The following PRDM1 variants were observed in gnomAD, a reference collection of about 807,000 sequenced individuals.
PRDM1 encodes PR/SET domain 1.
A neutral mutation model predicts 62.8 loss-of-function variants in PRDM1; 13 were observed. That is an observed-to-expected ratio of 0.21 (90% CI 0.13 to 0.33). The LOEUF (loss-of-function observed/expected upper bound fraction) is 0.33, where lower values mean the gene tolerates loss of function less well. Among genes scored for constraint, PRDM1 ranks in the 10% least tolerant of loss-of-function variants. The pLI is 1.00. For missense variants in PRDM1, 895 were observed against 1,058.8 expected (o/e 0.85, Z 2.15); for synonymous variants, 396 against 417.6 (o/e 0.95, Z 0.63).
At chr6:106,028,620 C>A (rs551368308) in intron 1 of PRDM1, among the ~76,000 whole-genome samples, 2 of 152,148 alleles carry the variant, frequency 1.3e-5, no homozygotes, top group Non-Finnish European at 2.9e-5. Flanking sequence ...TATTTTTCTA[C>A]CTTATTAAGG....
rs72941632 is a variant in PRDM1, at chr6:106,025,247, C to A, written c.-67+31608C>A. 3.9e-3 allele frequency among the ~76,000 whole-genome samples: 594 copies of A among 152,248 alleles called. 4 individuals carry two copies. The highest frequency in any genetic ancestry group is 6.8e-3 in the Middle Eastern group (2 of 294). On this transcript the variant is annotated intron_variant, in intron 1 of 6. Coordinates refer to the PRDM1 transcript ENST00000652320. ...CACTAAAGGCCTACATGTTAAAATG[C>A]AAAATTGTTCTTGTGTAATTTAGGT...
chr6:106,041,912 A>G (rs1054367035), intron 1 of PRDM1, among the ~76,000 whole-genome samples: 1 of 150,628 alleles, frequency 6.6e-6, no homozygotes, highest in African/African-American at 2.4e-5. Flanking sequence ...GGCTCAAGCA[A>G]TCCTCCCACC....
upstream of PRDM1, among the ~76,000 whole-genome samples, chr6:106,085,020 A>C (rs1773765146): frequency 6.6e-6 from 1 of 152,176 alleles, no homozygotes; most frequent in Non-Finnish European, 1.5e-5. Flanking sequence ...AATTCTAGAA[A>C]AGTTTTCTAA....
intron 1 of PRDM1, among the ~76,000 whole-genome samples, chr6:106,034,477 C>G (rs1297767598): frequency 6.6e-6 from 1 of 151,718 alleles, no homozygotes; most frequent in African/African-American, 2.4e-5. Flanking sequence ...AATTATTTTT[C>G]TAATTTCCCT....
chr6:106,098,445 C>G (rs1410400550), intron 3 of PRDM1: 1 of 985,278 alleles, frequency 1.0e-6, no homozygotes, highest in African/African-American at 1.7e-5. Context: ...ATTCTTCATT[C>G]TGCGTTGCCT....
rs1246387150 is a variant in PRDM1, at chr6:106,109,736, G to C, written c.*2250G>C. On this transcript the variant is annotated 3_prime_UTR_variant, in exon 7 of 7. Coordinates refer to ENST00000369096, the MANE Select transcript of PRDM1 (RefSeq NM_001198.4). ...CTCACCATCCATCCTTCTCTTTTCT[G>C]CCTCTTACATGTGAATGTTGAGCCC... The C allele has an allele frequency of 4.3e-6, 1 of 232,756 alleles. No homozygotes were observed. The highest frequency in any genetic ancestry group is 2.2e-5 in the African/African-American group (1 of 45,186). The allele number at this position is 232,756 out of a possible 1,614,324, so 14.4% of individuals were successfully genotyped here.
intron 1 of PRDM1, 94 bp downstream of exon 1, chr6:106,086,689 G>A: frequency 8.4e-7 from 1 of 1,197,166 alleles, no homozygotes. Context: ...ATTTTTTTTG[G>A]CTAATGTCGC....
chr6:106,100,161 T>C (rs541186311), intron 4 of PRDM1: 1 of 152,448 alleles, frequency 6.6e-6, no homozygotes, highest in South Asian at 2.1e-4. Flanking sequence ...TCCTTAGGTT[T>C]ATGTGCTTTT....
At chr6:106,012,343 A>ATGAAAGTATAATGAAAATG (rs1772568248) in intron 1 of PRDM1, among the ~76,000 whole-genome samples, 1 of 150,222 alleles carries the variant, frequency 6.7e-6, no homozygotes, top group Non-Finnish European at 1.5e-5. Flanking sequence ...CACACACACA[A>ATGAAAGTATAATGAAAATG]ACATACCACA....
At chr6:105,997,406 C>T (rs919640651) in intron 1 of PRDM1, among the ~76,000 whole-genome samples, 5 of 152,118 alleles carry the variant, frequency 3.3e-5, no homozygotes, top group Admixed American at 6.5e-5. Context: ...TTTCTCAGTT[C>T]GTTCTCTCTT....
chr6:106,098,401 T>C (rs1163702552), intron 3 of PRDM1: 2 of 985,280 alleles, frequency 2.0e-6, no homozygotes, highest in East Asian at 1.1e-4. Context: ...GCATCTGTTA[T>C]CCAGAAGTAG....
intron 1 of PRDM1, among the ~76,000 whole-genome samples, chr6:105,998,944 T>TC (rs1772395057): frequency 7.6e-6 from 1 of 130,818 alleles, no homozygotes; most frequent in African/African-American, 3.0e-5. Flanking sequence ...TTTTTTTTTT[T>TC]TTTTTTCTTT....
chr6:106,047,819 A>G (rs1214973725), upstream of PRDM1, among the ~76,000 whole-genome samples: 1 of 152,164 alleles, frequency 6.6e-6, no homozygotes, highest in Middle Eastern at 3.2e-3. Flanking sequence ...CAAATCCTAT[A>G]CTCCTACCCT....
At position 106,107,599 on chromosome 6, in the gene PRDM1, A is replaced by G. The variant is rs999189599; in HGVS notation, c.*113A>G. ...CTCTGCAAAGCTCTCTCGACAGCAAATGGTTTCCCCTCACCTCTGGAATTA... is the reference window on the plus strand; with the variant it reads ...CTCTGCAAAGCTCTCTCGACAGCAAGTGGTTTCCCCTCACCTCTGGAATTA... On this transcript the variant is annotated 3_prime_UTR_variant, in exon 7 of 7. Transcript: ENST00000369096. The G allele has an allele frequency of 7.9e-5, 76 of 964,400 alleles. No individual in the cohort carries two copies. The African/African-American group carries it at 1.1e-3, about 14-fold the overall frequency. The allele number at this position is 964,400 out of a possible 1,614,324, so 59.7% of individuals were successfully genotyped here. A position where few individuals can be genotyped will look rare whatever the true frequency, so the allele number is the denominator to read the frequency against.
chr6:106,056,259 A>ATGGGAGAAGCAC (rs1400444461), intron 1 of PRDM1, among the ~76,000 whole-genome samples: 2 of 152,176 alleles, frequency 1.3e-5, no homozygotes, highest in East Asian at 3.8e-4. Flanking sequence ...CAGCAGCGAA[A>ATGGGAGAAGCAC]TGGGAGAAGC....
At position 106,106,210 on chromosome 6, in the gene PRDM1, T is replaced by C. The variant is rs1191315600; in HGVS notation, c.1774-161T>C. On this transcript the variant is annotated intron_variant, in intron 5 of 6. Coordinates refer to ENST00000369096, the MANE Select transcript of PRDM1 (RefSeq NM_001198.4). This position sits in a 1 kb window ranked among gnomAD's most constrained non-coding sequence, Gnocchi z 4.4. ...CTGCTAGCCTGTGATTTTTGTGCTT[T>C]TAAGAAAAACACCATTCTGAAAACA... Among the ~76,000 whole-genome samples, 2 of 152,248 alleles carry C rather than the reference T, an allele frequency of 1.3e-5. No individual in the cohort carries two copies. The highest frequency in any genetic ancestry group is 3.8e-4 in the East Asian group (2 of 5,208).
At position 106,105,193 on chromosome 6, in the gene PRDM1, C is replaced by G. The variant is rs1452127747; in HGVS notation, c.1033C>G (p.Gln345Glu). ...PSPSARSSPDQSLKSSSPHSS... is the reference protein window; with the variant it reads ...PSPSARSSPDESLKSSSPHSS... ...CCCCTCTGCAAGAAGCAGCCCCGAC[C>G]AAAGCCTCAAGAGCTCCAGCCCTCA... Residue 345 changes from glutamine to glutamate, a missense_variant, in exon 5 of 7, where the codon CAA becomes GAA. Around this residue, in one of 4 missense-constraint regions of PRDM1, gnomAD observed 444 missense variants for 422.7 expected, o/e 1.05. Transcript: ENST00000369096. The G allele has an allele frequency of 6.2e-7, 1 of 1,613,540 alleles. No homozygotes were observed. The highest frequency in any genetic ancestry group is 8.5e-7 in the Non-Finnish European group (1 of 1,179,960).
chr6:106,101,055 A>G (rs1358269364), intron 4 of PRDM1, among the ~76,000 whole-genome samples: 1 of 152,126 alleles, frequency 6.6e-6, no homozygotes, highest in Non-Finnish European at 1.5e-5. Flanking sequence ...GTAACAAACG[A>G]CAAATGCACA....
At chr6:106,050,774 C>G (rs1003652679) in intron 1 of PRDM1, among the ~76,000 whole-genome samples, 1 of 152,186 alleles carries the variant, frequency 6.6e-6, no homozygotes, top group African/African-American at 2.4e-5. Flanking sequence ...CATATTCTTT[C>G]TCTTTTCTTC....
Sources: gnomAD v4.1 joint callset for allele counts (sites outside exome capture counted in the v4.1 genomes callset) on GRCh38, gnomAD v4.1.1 for gene constraint, gnomAD v4.1.1 regional missense constraint, Gnocchi (gnomAD v3.1) non-coding constraint, MANE v1.5 for transcripts, NCBI Gene and HGNC (gene_info 2026-07-23, HGNC 2026-07-21) for gene names.